The following ASIC2 variants were observed in gnomAD, a reference collection of about 807,000 sequenced individuals.
ASIC2 encodes the protein acid-sensing ion channel 2.
Under a neutral mutation model 57.3 loss-of-function variants are expected in ASIC2, and 25 were observed. The ratio of observed to expected loss-of-function variants is 0.44; its 90% CI spans 0.32 to 0.61. The LOEUF is 0.61. Among genes scored for constraint, ASIC2 ranks in the 20% least tolerant of loss-of-function variants. ASIC2 has a pLI of 0.06. For synonymous variants in ASIC2, 319 were observed against 307.5 expected, an observed-to-expected ratio of 1.04 and a Z score of -0.39; for missense variants, 641 against 738.1, an observed-to-expected ratio of 0.87 and a Z score of 1.52.
intron 1 of ASIC2, among the ~76,000 whole-genome samples, chr17:33,436,035 G>A (rs1423748016): frequency 6.6e-6 from 1 of 152,262 alleles, no homozygotes; most frequent in Non-Finnish European, 1.5e-5. Flanking sequence ...ATGATAGTGA[G>A]ACTGCTTTTG....
chr17:33,375,081 A>T (rs1442773398), intron 1 of ASIC2, among the ~76,000 whole-genome samples: 1 of 152,200 alleles, frequency 6.6e-6, no homozygotes, highest in African/African-American at 2.4e-5. Context: ...TTATTAATTA[A>T]TTATTTATTC....
chr17:34,109,253 C>T (rs560957526), intron 1 of ASIC2, among the ~76,000 whole-genome samples: 10 of 152,118 alleles, frequency 6.6e-5, no homozygotes, highest in South Asian at 2.1e-4. Context: ...TGCATGTAGA[C>T]GATACGTATA....
intron 1 of ASIC2, among the ~76,000 whole-genome samples, chr17:33,948,769 G>A (rs919430455): frequency 2.0e-5 from 3 of 152,184 alleles, no homozygotes; most frequent in African/African-American, 7.2e-5. Context: ...TGATTGGGAG[G>A]ATTAGACAAA....
chr17:33,265,115 C>A (rs1909414973), intron 1 of ASIC2, among the ~76,000 whole-genome samples: 1 of 152,240 alleles, frequency 6.6e-6, no homozygotes, highest in Non-Finnish European at 1.5e-5. Context: ...TTCCAATACA[C>A]TCCCTGTAAT....
chr17:33,972,793 C>G (rs563731011), intron 1 of ASIC2, among the ~76,000 whole-genome samples: 3 of 152,338 alleles, frequency 2.0e-5, no homozygotes, highest in Admixed American at 2.0e-4. Context: ...AGCTTTAGGT[C>G]TCATAACACA....
intron 1 of ASIC2, among the ~76,000 whole-genome samples, chr17:33,363,633 C>T (rs1455194661): frequency 2.0e-5 from 3 of 152,220 alleles, no homozygotes; most frequent in Non-Finnish European, 2.9e-5. Context: ...TACCACCCAC[C>T]CTGCTCTGTC....
chr17:33,288,844 G>A (rs1905302069), intron 1 of ASIC2, among the ~76,000 whole-genome samples: 2 of 152,236 alleles, frequency 1.3e-5, no homozygotes, highest in South Asian at 4.1e-4. Flanking sequence ...ACTTGCCCAA[G>A]GGCACATGGT....
intron 1 of ASIC2, among the ~76,000 whole-genome samples, chr17:33,385,887 A>G (rs769475660): frequency 7.5e-4 from 115 of 152,326 alleles, no homozygotes; most frequent in Non-Finnish European, 1.3e-3. Context: ...CCTGATGGAG[A>G]TAAGATAGTG....
At position 33,269,751 on chromosome 17, in the gene ASIC2, TTTCC is replaced by T. The variant is rs139151089; in HGVS notation, c.708+21653_708+21656del. On this transcript the variant is annotated intron_variant, in intron 1 of 9. Transcript: ENST00000225823. ...CCCTCCCTCCTTCCTTCCTTCCTTC[TTTCC>T]TTCCTTCCTTCCTTCCTTCTTTCCT... Among the ~76,000 whole-genome samples, 9 of 103,034 alleles carry T rather than the reference TTTCC, an allele frequency of 8.7e-5. 1 individual carries two copies. The highest frequency in any genetic ancestry group is 0.011 in the Middle Eastern group (2 of 182). The allele number at this position is 103,034 out of a possible 152,430, so 67.6% of individuals were successfully genotyped here. A position where few individuals can be genotyped will look rare whatever the true frequency, so the allele number is the denominator to read the frequency against.
chr17:33,115,845 T>G (rs910113946), intron 1 of ASIC2, among the ~76,000 whole-genome samples: 1 of 152,206 alleles, frequency 6.6e-6, no homozygotes, highest in African/African-American at 2.4e-5. Context: ...ATTGAATGAA[T>G]GAGTGAATGA....
chr17:33,599,091 C>A (rs1385239889), intron 1 of ASIC2, among the ~76,000 whole-genome samples: 1 of 152,172 alleles, frequency 6.6e-6, no homozygotes, highest in Non-Finnish European at 1.5e-5. Context: ...TAAAATGGAG[C>A]CTTGATATCT....
intron 1 of ASIC2, among the ~76,000 whole-genome samples, chr17:33,226,981 T>A (rs1907905064): frequency 6.7e-6 from 1 of 150,006 alleles, no homozygotes; most frequent in South Asian, 2.1e-4. Context: ...TATATCTCAA[T>A]AATATTATTG....
chr17:33,317,892 T>A (rs1906720887), intron 1 of ASIC2, among the ~76,000 whole-genome samples: 2 of 31,970 alleles, frequency 6.3e-5, no homozygotes. Flanking sequence ...GATGAGTGTG[T>A]GTGTGTGTGT....
Position 33,060,564 on chromosome 17 carries a change from C to T in ASIC2, c.987+28299G>A, listed in dbSNP as rs151220010. ...TACCATGCTGTTTTGGTTACTGTAG[C>T]CTTGTAGTATAGTTTGCAGTTGGGT... On this transcript the variant is annotated intron_variant, in intron 3 of 9. Transcript: ENST00000225823. Among the ~76,000 whole-genome samples, 203 of 152,162 alleles carry T rather than the reference C, an allele frequency of 1.3e-3. 1 individual carries two copies. Among genetic ancestry groups the T allele is most frequent in the African/African-American group, 4.4e-3 (184 of 41,520 alleles).
chr17:33,847,275 T>G (rs1913634995), intron 1 of ASIC2, among the ~76,000 whole-genome samples: 1 of 151,896 alleles, frequency 6.6e-6, no homozygotes, highest in Non-Finnish European at 1.5e-5. Flanking sequence ...AGTTTTCTCT[T>G]CTGTCAAGTG....
intron 1 of ASIC2, among the ~76,000 whole-genome samples, chr17:33,758,170 A>ATG (rs565873142): frequency 1.3e-4 from 19 of 151,650 alleles, no homozygotes; most frequent in South Asian, 8.4e-4. Context: ...CTTTTCTTAA[A>ATG]TGTGTGTGTG....
At chr17:34,032,625 A>G (rs960764754) in intron 1 of ASIC2, among the ~76,000 whole-genome samples, 2 of 152,188 alleles carry the variant, frequency 1.3e-5, no homozygotes, top group Non-Finnish European at 2.9e-5. Context: ...CCCATCTCAC[A>G]TGCAGAGACA....
At chr17:34,119,249 C>CA (rs1279197104) in intron 1 of ASIC2, among the ~76,000 whole-genome samples, 3 of 152,162 alleles carry the variant, frequency 2.0e-5, no homozygotes, top group Non-Finnish European at 4.4e-5. Flanking sequence ...CCAGCTCTGC[C>CA]ATTTGCCGTC....
chr17:33,539,387 A>G (rs150974641), intron 1 of ASIC2, among the ~76,000 whole-genome samples: 74 of 152,324 alleles, frequency 4.9e-4, no homozygotes, highest in African/African-American at 1.7e-3. Context: ...CTTCCATGCT[A>G]ACAGCTTCCT....
Sources: allele counts gnomAD v4.1 joint callset (sites outside exome capture counted in the v4.1 genomes callset), GRCh38; gene constraint gnomAD v4.1.1; transcripts MANE v1.5; gene names NCBI Gene and HGNC (gene_info 2026-07-23, HGNC 2026-07-21).